Variants in CMSS1 observed in about 807,000 individuals in gnomAD.
CMSS1 encodes the protein protein CMSS1.
Under a neutral mutation model 43.5 loss-of-function variants are expected in CMSS1, and 33 were observed. That is an observed-to-expected ratio of 0.76 (90% CI 0.57 to 1.01). The LOEUF is 1.01. Among genes scored for constraint, CMSS1 ranks in the 50% least tolerant of loss-of-function variants. The probability of loss-of-function intolerance (pLI) is 0.00; values close to 1 mark genes in which losing one functional copy is unlikely to be tolerated. For synonymous variants in CMSS1, 115 were observed against 117.2 expected, an observed-to-expected ratio of 0.98 and a Z score of 0.12; for missense variants, 313 against 326.4, an observed-to-expected ratio of 0.96 and a Z score of 0.32.
chr3:100,095,045 C>T (rs576024425), intron 1 of CMSS1, among the ~76,000 whole-genome samples: 124 of 152,228 alleles, frequency 8.1e-4, no homozygotes, highest in African/African-American at 2.8e-3. Context: ...ACCAGGCAGG[C>T]ATATTTGCAT....
chr3:100,117,043 T>C (rs2107487660), intron 1 of CMSS1, among the ~76,000 whole-genome samples: 1 of 152,272 alleles, frequency 6.6e-6, no homozygotes, highest in South Asian at 2.1e-4. Context: ...GAAGATGTCA[T>C]GGAAACAAAA....
intron 1 of CMSS1, among the ~76,000 whole-genome samples, chr3:100,030,960 T>C (rs1235812756): frequency 1.3e-5 from 2 of 152,174 alleles, no homozygotes; most frequent in African/African-American, 2.4e-5. Flanking sequence ...ATCTATGAGA[T>C]ATGAAGTCTG....
intron 1 of CMSS1, among the ~76,000 whole-genome samples, chr3:100,071,866 G>A (rs2065769379): frequency 6.6e-6 from 1 of 152,086 alleles, no homozygotes; most frequent in Admixed American, 6.5e-5. Flanking sequence ...TCCCAGGTGT[G>A]AACCAGTGAC....
intron 1 of CMSS1, among the ~76,000 whole-genome samples, chr3:99,971,064 G>A (rs183543772): frequency 1.6e-4 from 24 of 152,286 alleles, no homozygotes; most frequent in Admixed American, 8.5e-4. Context: ...GGGGCTGGGC[G>A]TGGTGGCTCA....
rs768939083 is a variant in CMSS1 at position 100,176,413 on chromosome 3, G to A, written c.754G>A (p.Glu252Lys). Reference sequence around the variant, plus strand: ...GTTGAGGAGAATGATGGACATTCCCGAGGTACCACGTAACCAGCAGTTGCC... The same window carrying A: ...GTTGAGGAGAATGATGGACATTCCCAAGGTACCACGTAACCAGCAGTTGCC... ...QKLRRMMDIP[E>K]IRKEVFELLE... is the part of the protein sequence containing the mutation. Residue 252 changes from glutamate to lysine, a missense_variant and splice_region_variant, in exon 9 of 10, where the codon GAG (glutamate) becomes AAG (lysine). By Grantham distance (56) the Glu-to-Lys change is moderately conservative. Transcript: ENST00000421999. 1.1e-5 allele frequency: 18 copies of A among 1,604,966 alleles called. No individual in the cohort carries two copies. The highest frequency in any genetic ancestry group is 2.2e-5 in the South Asian group (2 of 90,758).
chr3:99,998,791 G>A (rs895430021), intron 1 of CMSS1, among the ~76,000 whole-genome samples: 5 of 152,120 alleles, frequency 3.3e-5, no homozygotes, highest in Non-Finnish European at 7.4e-5. Context: ...GGATGGTCTC[G>A]ATCTCCTGAC....
chr3:100,093,600 G>A (rs1291183181), intron 1 of CMSS1, among the ~76,000 whole-genome samples: 1 of 152,104 alleles, frequency 6.6e-6, no homozygotes, highest in African/African-American at 2.4e-5. Flanking sequence ...GAACTGTAGT[G>A]GAATGTCACA....
chr3:100,137,262 C>A (rs766442351), intron 1 of CMSS1, among the ~76,000 whole-genome samples: 1 of 152,174 alleles, frequency 6.6e-6, no homozygotes, highest in Non-Finnish European at 1.5e-5. Flanking sequence ...TATAGTGTAG[C>A]CTTCCCAGAG....
intron 1 of CMSS1, chr3:100,025,603 A>G (rs1427112532): frequency 6.6e-6 from 1 of 152,164 alleles, no homozygotes; most frequent in Non-Finnish European, 1.5e-5. Flanking sequence ...TTTAGCTCTG[A>G]GCTTCCTGGT....
intron 8 of CMSS1, among the ~76,000 whole-genome samples, chr3:100,175,945 A>C (rs2067144484): frequency 6.6e-6 from 1 of 152,194 alleles, no homozygotes. Flanking sequence ...AGAGCCCTGC[A>C]GACTCCATGG....
At chr3:100,130,524 C>T (rs2066697878) in intron 1 of CMSS1, among the ~76,000 whole-genome samples, 1 of 152,194 alleles carries the variant, frequency 6.6e-6, no homozygotes, top group Non-Finnish European at 1.5e-5. Flanking sequence ...TGAAAGGACA[C>T]ATTGCCCTAA....
intron 1 of CMSS1, among the ~76,000 whole-genome samples, chr3:100,037,956 TGG>T (rs1313968492): frequency 3.4e-5 from 3 of 87,814 alleles, no homozygotes; most frequent in African/African-American, 1.2e-4. Flanking sequence ...TTTTTTTTTT[TGG>T]GGGGGGAGGG....
chr3:99,946,355 T>C (rs914226694), intron 1 of CMSS1, among the ~76,000 whole-genome samples: 3 of 152,236 alleles, frequency 2.0e-5, no homozygotes, highest in Non-Finnish European at 2.9e-5. Flanking sequence ...AATTTGGAAA[T>C]TTTTTGTTAC....
chr3:100,106,201 C>G (rs2066392701), intron 1 of CMSS1, among the ~76,000 whole-genome samples: 1 of 152,132 alleles, frequency 6.6e-6, no homozygotes, highest in Non-Finnish European at 1.5e-5. Context: ...GATGCAGCAA[C>G]AAGTCAGTAC....
Position 99,999,511 on chromosome 3 carries a change from C to T in CMSS1, c.65-147462C>T, listed in dbSNP as rs920946064. 6.6e-5 allele frequency among the ~76,000 whole-genome samples: 10 copies of T among 152,166 alleles called. 1 individual carries two copies. The highest frequency in any genetic ancestry group is 1.9e-4 in the African/African-American group (8 of 41,434). On this transcript the variant is annotated intron_variant, in intron 1 of 9. Transcript: ENST00000421999. The stretch of plus-strand genomic sequence containing the variant: ...TATTTAGAGTTGGATAAGGGAGGTG[C>T]ATGAATATGGGAACATATATATCCT...
chr3:100,028,358 A>C (rs1202615014), intron 1 of CMSS1, among the ~76,000 whole-genome samples: 1 of 152,128 alleles, frequency 6.6e-6, no homozygotes. Context: ...CTCTTCTTCC[A>C]GTACTGGATT....
At chr3:100,085,963 G>T (rs1348445033) in intron 1 of CMSS1, among the ~76,000 whole-genome samples, 2 of 152,156 alleles carry the variant, frequency 1.3e-5, no homozygotes, top group Admixed American at 6.5e-5. Flanking sequence ...AATATAGAGG[G>T]TCATGAGTTT....
In CMSS1 at chr3:100,178,495, T is replaced by G. The variant is rs1329754508; in HGVS notation, c.*107T>G. ...GTAAATATCAGCAAATAGTTTATGT[T>G]AATTGTGTCAACAGATGGATCACTG... is the stretch of plus-strand genomic sequence containing the variant. On this transcript the variant is annotated 3_prime_UTR_variant, in exon 10 of 10. Transcript: ENST00000421999. 3.0e-6 allele frequency: 2 copies of G among 660,622 alleles called. No homozygotes were observed. The highest frequency in any genetic ancestry group is 5.3e-6 in the Non-Finnish European group (2 of 376,842). The allele number at this position is 660,622 out of a possible 1,614,324, so 40.9% of individuals were successfully genotyped here.
chr3:99,959,697 C>CA (rs1352264304), intron 1 of CMSS1, among the ~76,000 whole-genome samples: 1 of 152,156 alleles, frequency 6.6e-6, no homozygotes, highest in Non-Finnish European at 1.5e-5. Context: ...TATTTTCTAA[C>CA]AGACTCCAAT....
Sources: gnomAD v4.1 joint callset for allele counts (sites outside exome capture counted in the v4.1 genomes callset) on GRCh38, gnomAD v4.1.1 for gene constraint, MANE v1.5 for transcripts, NCBI Gene and HGNC (gene_info 2026-07-23, HGNC 2026-07-21) for gene names.